Variants in ASTN2 observed in about 807,000 individuals in gnomAD.
The protein encoded by ASTN2 is astrotactin 2.
ASTN2 carries 54 observed loss-of-function variants against 139.8 expected under a neutral mutation model. The ratio of observed to expected loss-of-function variants is 0.39; its 90% CI spans 0.31 to 0.48. The LOEUF (loss-of-function observed/expected upper bound fraction) is 0.48. Ranked by LOEUF, ASTN2 falls within the 20% of genes least tolerant of loss-of-function variation. The probability of loss-of-function intolerance (pLI) is 0.95; values close to 1 mark genes in which losing one functional copy is unlikely to be tolerated. For missense variants in ASTN2, 1,565 were observed against 1,725.1 expected (o/e 0.91, Z 1.64); for synonymous variants, 756 against 719.5 (o/e 1.05, Z -0.81).
At chr9:116,518,159 A>G (rs1246635349) in intron 19 of ASTN2, among the ~76,000 whole-genome samples, 1 of 152,186 alleles carries the variant, frequency 6.6e-6, no homozygotes, top group Non-Finnish European at 1.5e-5. Context: ...CTCAAAGAGC[A>G]CCTGGGAAAT....
chr9:116,684,248 T>C (rs1187753962), intron 16 of ASTN2, among the ~76,000 whole-genome samples: 2 of 152,174 alleles, frequency 1.3e-5, no homozygotes, highest in Non-Finnish European at 2.9e-5. Context: ...AAATAATTAT[T>C]CTTGCTGCAC....
chr9:117,183,688 T>C (rs890845490), intron 3 of ASTN2, among the ~76,000 whole-genome samples: 1 of 152,192 alleles, frequency 6.6e-6, no homozygotes, highest in Non-Finnish European at 1.5e-5. Flanking sequence ...TTCCATCCCT[T>C]CACCTTCCCT....
At chr9:117,094,399 T>C (rs1265156206) in intron 5 of ASTN2, among the ~76,000 whole-genome samples, 1 of 152,166 alleles carries the variant, frequency 6.6e-6, no homozygotes, top group Non-Finnish European at 1.5e-5. Context: ...TGAATGTTTT[T>C]CCAATTATCT....
chr9:116,691,447 A>G lies in ASTN2; in HGVS notation c.2806+34324T>C, dbSNP rs541969351. Among the ~76,000 whole-genome samples, 7 of 152,338 alleles carry G rather than the reference A, an allele frequency of 4.6e-5. No individual in the cohort carries two copies. In the South Asian group the frequency reaches 1.4e-3, roughly 32 times the overall value. On this transcript the variant is annotated intron_variant, in intron 16 of 22. Transcript: ENST00000313400. Reference sequence around the variant, plus strand: ...GTCCTGCAGTTTTAGAGGAAGACAGAGACAACAGGCAAGCATGTTTTCCAG... The same window carrying G: ...GTCCTGCAGTTTTAGAGGAAGACAGGGACAACAGGCAAGCATGTTTTCCAG...
intron 10 of ASTN2, among the ~76,000 whole-genome samples, chr9:116,907,005 T>C (rs1216756998): frequency 6.6e-6 from 1 of 152,198 alleles, no homozygotes; most frequent in Non-Finnish European, 1.5e-5. Context: ...ATTGAGCAAC[T>C]ATAATGTAAT....
intron 2 of ASTN2, among the ~76,000 whole-genome samples, chr9:117,276,336 C>G (rs1207204756): frequency 6.6e-6 from 1 of 152,190 alleles, no homozygotes; most frequent in Non-Finnish European, 1.5e-5. Context: ...ACTCTCCTCT[C>G]CCATACTAGG....
intron 10 of ASTN2, among the ~76,000 whole-genome samples, chr9:116,967,269 G>C (rs538103314): frequency 1.3e-5 from 2 of 152,176 alleles, no homozygotes; most frequent in Non-Finnish European, 2.9e-5. Flanking sequence ...ATAGGAAACT[G>C]AGGCTCACAA....
intron 3 of ASTN2, among the ~76,000 whole-genome samples, chr9:117,168,620 C>T (rs964468331): frequency 6.6e-6 from 1 of 152,122 alleles, no homozygotes; most frequent in Admixed American, 6.5e-5. Flanking sequence ...GACACATATG[C>T]CCTGTAATCA....
chr9:116,515,045 A>T (rs1033573197), intron 19 of ASTN2, among the ~76,000 whole-genome samples: 2 of 152,016 alleles, frequency 1.3e-5, no homozygotes, highest in Non-Finnish European at 2.9e-5. Context: ...TGAACCCAAT[A>T]CCTCAGTTGG....
At chr9:116,494,179 G>A (rs1849603488) in intron 19 of ASTN2, among the ~76,000 whole-genome samples, 1 of 152,084 alleles carries the variant, frequency 6.6e-6, no homozygotes, top group Non-Finnish European at 1.5e-5. Context: ...GAAAGAGAGT[G>A]GGTTTTGGGG....
At chr9:117,403,586 C>T (rs1564187026) in intron 1 of ASTN2, among the ~76,000 whole-genome samples, 1 of 152,052 alleles carries the variant, frequency 6.6e-6, no homozygotes, top group Admixed American at 6.5e-5. Flanking sequence ...AATGATTCCC[C>T]CAAATGCAGC....
intron 7 of ASTN2, among the ~76,000 whole-genome samples, chr9:117,004,262 G>A (rs1257137867): frequency 1.3e-5 from 2 of 151,946 alleles, no homozygotes; most frequent in Non-Finnish European, 2.9e-5. Context: ...TGGGACTATG[G>A]GCATGTGTCA....
At chr9:116,681,833 T>A (rs1859888256) in intron 16 of ASTN2, among the ~76,000 whole-genome samples, 1 of 151,582 alleles carries the variant, frequency 6.6e-6, no homozygotes, top group South Asian at 2.1e-4. Flanking sequence ...TGTAGAAAGC[T>A]GAAACTGGAT....
intron 13 of ASTN2, among the ~76,000 whole-genome samples, chr9:116,754,790 C>A (rs574961994): frequency 2.0e-5 from 3 of 152,288 alleles, no homozygotes; most frequent in Non-Finnish European, 2.9e-5. Flanking sequence ...ATCCTCGCAA[C>A]CACATAATTC....
chr9:116,531,869 G>A (rs1033580300), intron 19 of ASTN2, among the ~76,000 whole-genome samples: 9 of 152,048 alleles, frequency 5.9e-5, no homozygotes, highest in African/African-American at 2.2e-4. Context: ...ATAATCCTTT[G>A]GGTATATACC....
intron 16 of ASTN2, among the ~76,000 whole-genome samples, chr9:116,682,713 C>G (rs548825565): frequency 4.6e-5 from 7 of 151,992 alleles, no homozygotes; most frequent in African/African-American, 1.5e-4. Flanking sequence ...ATGATGAGTT[C>G]ATGTCCTTTG....
At chr9:117,164,575 G>T (rs900840485) in intron 3 of ASTN2, among the ~76,000 whole-genome samples, 6 of 152,192 alleles carry the variant, frequency 3.9e-5, no homozygotes, top group African/African-American at 1.4e-4. Flanking sequence ...CCTCCAGGTA[G>T]CCAGCAGGCT....
chr9:116,691,163 T>A (rs993114095), intron 16 of ASTN2, among the ~76,000 whole-genome samples: 1 of 152,194 alleles, frequency 6.6e-6, no homozygotes, highest in African/African-American at 2.4e-5. Flanking sequence ...CCCTAAGTAG[T>A]CTCTGCTAGT....
At chr9:116,873,531 A>AT (rs61649585) in intron 10 of ASTN2, among the ~76,000 whole-genome samples, 16,172 of 126,368 alleles carry the variant, frequency 0.13, 1,197 homozygotes, top group East Asian at 0.52. Flanking sequence ...CAACATTCAC[A>AT]TGGGCTAATT....
Sources: gnomAD v4.1 joint callset for allele counts (sites outside exome capture counted in the v4.1 genomes callset) on GRCh38, gnomAD v4.1.1 for gene constraint, MANE v1.5 for transcripts, NCBI Gene and HGNC (gene_info 2026-07-23, HGNC 2026-07-21) for gene names.